Variants in FSTL5 observed in about 807,000 individuals in gnomAD.
The protein encoded by FSTL5 is follistatin-related protein 5.
In FSTL5, 62 loss-of-function variants were observed where a neutral mutation model predicts 89.1. That is an observed-to-expected ratio of 0.70 (90% CI 0.57 to 0.86). The LOEUF is 0.86. FSTL5 is among the 40% of genes least tolerant of loss of function. The pLI, the probability that FSTL5 is intolerant of heterozygous loss-of-function variation, is 0.00. For missense variants in FSTL5, 1,057 were observed against 1,001.6 expected, an observed-to-expected ratio of 1.06 and a Z score of -0.75; for synonymous variants, 383 against 346.2, an observed-to-expected ratio of 1.11 and a Z score of -1.18.
intron 6 of FSTL5, among the ~76,000 whole-genome samples, chr4:161,725,207 C>T (rs2126755842): frequency 6.6e-6 from 1 of 152,102 alleles, no homozygotes; most frequent in South Asian, 2.1e-4. Flanking sequence ...AAAAATAACT[C>T]TGAAAATTTA....
At chr4:161,985,510 G>C (rs919849739) in intron 3 of FSTL5, among the ~76,000 whole-genome samples, 7 of 151,780 alleles carry the variant, frequency 4.6e-5, no homozygotes, top group Admixed American at 3.3e-4. Flanking sequence ...TTTTGAACAA[G>C]ATAAGTTTCT....
chr4:161,425,654 A>G (rs1732143619), intron 15 of FSTL5, among the ~76,000 whole-genome samples: 1 of 152,196 alleles, frequency 6.6e-6, no homozygotes, highest in Admixed American at 6.5e-5. Context: ...TAGCACAGAA[A>G]GCTGGATGTT....
intron 10 of FSTL5, among the ~76,000 whole-genome samples, chr4:161,521,300 T>C (rs999199555): frequency 6.6e-6 from 1 of 152,122 alleles, no homozygotes; most frequent in Non-Finnish European, 1.5e-5. Flanking sequence ...ATTGAAATTA[T>C]AAAAATGTCT....
chr4:161,511,374 A>T (rs890862913), intron 10 of FSTL5, among the ~76,000 whole-genome samples: 21 of 152,184 alleles, frequency 1.4e-4, no homozygotes, highest in African/African-American at 5.1e-4. Flanking sequence ...TTCTTTAAAA[A>T]ATTAATTATT....
At chr4:161,813,890 T>C (rs1197389945) in intron 4 of FSTL5, among the ~76,000 whole-genome samples, 1 of 152,162 alleles carries the variant, frequency 6.6e-6, no homozygotes, top group Non-Finnish European at 1.5e-5. Flanking sequence ...TCTGTGTCTC[T>C]TTTTAAAATT....
At chr4:161,859,097 C>T (rs543237639) in intron 4 of FSTL5, among the ~76,000 whole-genome samples, 9 of 152,226 alleles carry the variant, frequency 5.9e-5, no homozygotes, top group South Asian at 4.1e-4. Flanking sequence ...CCTTAGCAGA[C>T]GATAGTCTTC....
chr4:161,656,289 A>AAT (rs1267868032), intron 7 of FSTL5, 39 bp downstream of exon 7: 20 of 1,154,032 alleles, frequency 1.7e-5, no homozygotes, highest in Non-Finnish European at 2.2e-5. Context: ...TATCACATGA[A>AAT]ATATATATAT....
chr4:161,922,862 G>A (rs1734029358), intron 3 of FSTL5, among the ~76,000 whole-genome samples: 1 of 151,828 alleles, frequency 6.6e-6, no homozygotes, highest in Admixed American at 6.6e-5. Context: ...TACTGGGCAA[G>A]TTTTGCTATT....
intron 7 of FSTL5, among the ~76,000 whole-genome samples, chr4:161,610,781 AT>A (rs5863473): frequency 0.66 from 99,604 of 151,594 alleles, 32,909 homozygotes; most frequent in East Asian, 0.73. Context: ...TTCCTCTATA[AT>A]TTTTTTTTAT....
intron 15 of FSTL5, among the ~76,000 whole-genome samples, chr4:161,409,717 C>A (rs1731522229): frequency 6.6e-6 from 1 of 152,106 alleles, no homozygotes; most frequent in South Asian, 2.1e-4. Flanking sequence ...TACAAAAGGT[C>A]CTTAGGGGAG....
intron 10 of FSTL5, among the ~76,000 whole-genome samples, chr4:161,515,274 T>C (rs1730781921): frequency 6.6e-6 from 1 of 152,062 alleles, no homozygotes; most frequent in Non-Finnish European, 1.5e-5. Context: ...CTCAGCTCAC[T>C]GCAATCTCCA....
At chr4:161,549,232 C>T (rs1230078012) in intron 8 of FSTL5, among the ~76,000 whole-genome samples, 1 of 151,632 alleles carries the variant, frequency 6.6e-6, no homozygotes, top group Non-Finnish European at 1.5e-5. Context: ...CATTTTCAAA[C>T]ATTTTTGAGT....
intron 3 of FSTL5, among the ~76,000 whole-genome samples, chr4:161,960,454 A>AT (rs1735146522): frequency 1.3e-5 from 2 of 151,912 alleles, no homozygotes; most frequent in South Asian, 4.1e-4. Flanking sequence ...GGGTGCTGGG[A>AT]TTACAGGTGT....
At chr4:161,515,610 T>A (rs559643080) in intron 10 of FSTL5, among the ~76,000 whole-genome samples, 1 of 151,248 alleles carries the variant, frequency 6.6e-6, no homozygotes, top group East Asian at 1.9e-4. Flanking sequence ...TTTTCATTCC[T>A]TTTATTCATT....
In FSTL5 at chr4:161,722,263, T is replaced by C. The variant is rs534301199; in HGVS notation, c.727+37148A>G. Among the ~76,000 whole-genome samples, 12 of 152,310 alleles carry C rather than the reference T, an allele frequency of 7.9e-5. No individual in the cohort carries two copies. In the South Asian group the frequency reaches 2.3e-3, roughly 29 times the overall value. On this transcript the variant is annotated intron_variant, in intron 6 of 15. Transcript: ENST00000306100. ...CTTAGCAAAATTCTTTCTACTCTTG[T>C]AAGAAACCTCTTACATCTATTTGTT...
intron 6 of FSTL5, among the ~76,000 whole-genome samples, chr4:161,698,210 G>A (rs544705071): frequency 6.0e-4 from 91 of 152,226 alleles, no homozygotes; most frequent in Middle Eastern, 3.4e-3. Context: ...GCCCTCACCA[G>A]ACACTGAATC....
intron 8 of FSTL5, among the ~76,000 whole-genome samples, chr4:161,585,478 A>G (rs1261420303): frequency 2.0e-5 from 3 of 151,960 alleles, no homozygotes; most frequent in East Asian, 1.9e-4. Flanking sequence ...TCTAAAAACT[A>G]CTAAGAACTC....
rs531214414 is a variant in FSTL5 at position 161,759,466 on chromosome 4, A to G, written c.672T>C (p.Tyr224=). Residue 224 remains tyrosine (Y), a synonymous_variant, in exon 6 of 16, where the codon TAT becomes TAC. Coordinates refer to ENST00000306100, the MANE Select transcript of FSTL5 (RefSeq NM_020116.5). The part of the protein sequence containing the change: ...FDCTLYVLLK[Y]DDFNADKHLA... ...GGTGCTTGTCAGCATTAAAATCATC[A>G]TATTTCAATAGAACATACAAAGTAC... 3.1e-6 allele frequency: 5 copies of G among 1,595,848 alleles called. No homozygotes were observed. In the African/African-American group the frequency reaches 4.0e-5, roughly 13 times the overall value.
chr4:161,706,505 G>A (rs1738585024), intron 6 of FSTL5, among the ~76,000 whole-genome samples: 1 of 151,914 alleles, frequency 6.6e-6, no homozygotes, highest in South Asian at 2.1e-4. Flanking sequence ...GAAACTAAAT[G>A]TCCTATTGCC....
Sources: gnomAD v4.1 joint callset for allele counts (sites outside exome capture counted in the v4.1 genomes callset) on GRCh38, gnomAD v4.1.1 for gene constraint, MANE v1.5 for transcripts, NCBI Gene and HGNC (gene_info 2026-07-23, HGNC 2026-07-21) for gene names.